RBFOX1: variants seen among roughly 807,000 people sequenced by gnomAD.
RBFOX1 encodes RNA binding protein fox-1 homolog 1.
Under a neutral mutation model 57.7 loss-of-function variants are expected in RBFOX1, and 8 were observed. That is an observed-to-expected ratio of 0.14 (90% CI 0.08 to 0.25). The LOEUF (loss-of-function observed/expected upper bound fraction) is 0.25, where lower values mean the gene tolerates loss of function less well. Among genes scored for constraint, RBFOX1 ranks in the 10% least tolerant of loss-of-function variants. The pLI is 1.00. For synonymous variants in RBFOX1, 326 were observed against 222.4 expected, an observed-to-expected ratio of 1.47 and a Z score of -4.15; for missense variants, 611 against 548.5, an observed-to-expected ratio of 1.11 and a Z score of -1.14.
intron 4 of RBFOX1, among the ~76,000 whole-genome samples, chr16:7,446,111 A>G (rs114927575): frequency 2.0e-4 from 30 of 152,262 alleles, no homozygotes; most frequent in Admixed American, 1.3e-3. Context: ...CTCCTTGTCA[A>G]AGATGCTGTG....
chr16:5,343,672 C>A (rs553061423), intron 1 of RBFOX1, among the ~76,000 whole-genome samples: 1 of 152,060 alleles, frequency 6.6e-6, no homozygotes, highest in African/African-American at 2.4e-5. Flanking sequence ...CCCTCTGATA[C>A]GAATACAATA....
chr16:7,180,210 G>A (rs2082429582), intron 4 of RBFOX1, among the ~76,000 whole-genome samples: 1 of 152,018 alleles, frequency 6.6e-6, no homozygotes, highest in South Asian at 2.1e-4. Flanking sequence ...TTTTTATATA[G>A]CATTTACTGT....
At chr16:6,691,505 A>T (rs9927973) in intron 3 of RBFOX1, among the ~76,000 whole-genome samples, 23,121 of 152,082 alleles carry the variant, frequency 0.15, 1,921 homozygotes, top group African/African-American at 0.22. Flanking sequence ...GGGAAGTAAA[A>T]TCATTCTGAG....
chr16:7,541,662 C>T (rs1507028), intron 5 of RBFOX1, among the ~76,000 whole-genome samples: 19,284 of 135,876 alleles, frequency 0.14, 1,301 homozygotes, highest in African/African-American at 0.19. Flanking sequence ...AAAAATGTTT[C>T]GGGAAAGCTC....
intron 2 of RBFOX1, among the ~76,000 whole-genome samples, chr16:6,481,743 A>G (rs2095374007): frequency 6.6e-6 from 1 of 152,188 alleles, no homozygotes; most frequent in South Asian, 2.1e-4. Flanking sequence ...CATGTTCTTC[A>G]TGGCATCATT....
intron 3 of RBFOX1, among the ~76,000 whole-genome samples, chr16:5,766,303 TG>T (rs907161378): frequency 2.6e-5 from 4 of 151,986 alleles, no homozygotes; most frequent in African/African-American, 9.7e-5. Context: ...AATACAGATC[TG>T]GGCTGGGCAC....
chr16:7,652,614 G>A (rs531451188), intron 11 of RBFOX1, among the ~76,000 whole-genome samples: 12 of 152,052 alleles, frequency 7.9e-5, no homozygotes, highest in Non-Finnish European at 1.8e-4. Context: ...CACCGTATTG[G>A]CCAGGCTGGT....
intron 14 of RBFOX1, among the ~76,000 whole-genome samples, chr16:7,678,076 G>T (rs1211664519): frequency 1.3e-5 from 2 of 152,156 alleles, no homozygotes; most frequent in Non-Finnish European, 1.5e-5. Flanking sequence ...TGTAACAAAT[G>T]GCTCTTTGGC....
intron 4 of RBFOX1, among the ~76,000 whole-genome samples, chr16:5,997,782 A>C (rs1005604009): frequency 7.9e-5 from 12 of 152,232 alleles, no homozygotes; most frequent in Non-Finnish European, 1.8e-4. Context: ...GGAGATCATC[A>C]AATCCAATAA....
intron 3 of RBFOX1, among the ~76,000 whole-genome samples, chr16:7,027,399 C>A (rs928162336): frequency 6.6e-6 from 1 of 151,998 alleles, no homozygotes; most frequent in South Asian, 2.1e-4. Context: ...TAACAAAAAC[C>A]CTGTAAGTTA....
chr16:6,039,003 G>A (rs1313627210), intron 1 of RBFOX1: 2 of 125,424 alleles, frequency 1.6e-5, no homozygotes, highest in African/African-American at 6.2e-5. Context: ...CATGTATGCT[G>A]GTTTGCAAAA....
intron 2 of RBFOX1, among the ~76,000 whole-genome samples, chr16:5,471,476 C>T (rs759960683): frequency 3.3e-5 from 5 of 152,146 alleles, no homozygotes; most frequent in Non-Finnish European, 7.3e-5. Flanking sequence ...AGGTCCCTAC[C>T]ATTGCTGGCA....
Position 7,116,314 on chromosome 16 carries a change from G to A in RBFOX1, c.27+64216G>A, listed in dbSNP as rs1346068466. Among the ~76,000 whole-genome samples the A allele has an allele frequency of 2.0e-5, 3 of 152,034 alleles. No homozygotes were observed. In the East Asian group the frequency reaches 5.8e-4, roughly 29 times the overall value. The stretch of plus-strand genomic sequence containing the variant: ...TGCCTCTGAAAGCCTAGGAGTAAAG[G>A]AAAATTGTCCTCATGAGCAGTTCAT... On this transcript the variant is annotated intron_variant, in intron 4 of 15. Transcript: ENST00000550418.
chr16:5,616,234 C>G (rs2048020352), intron 3 of RBFOX1: 2 of 152,424 alleles, frequency 1.3e-5, no homozygotes, highest in Admixed American at 1.3e-4. Flanking sequence ...CCTGGAACCC[C>G]AGCACCACCC....
intron 3 of RBFOX1, among the ~76,000 whole-genome samples, chr16:5,627,739 A>C (rs932491823): frequency 1.3e-5 from 2 of 152,232 alleles, no homozygotes. Flanking sequence ...ACAGTATAAC[A>C]ACTATTTACA....
At chr16:7,577,123 T>C (rs1283241565) in intron 5 of RBFOX1, among the ~76,000 whole-genome samples, 1 of 152,248 alleles carries the variant, frequency 6.6e-6, no homozygotes, top group Non-Finnish European at 1.5e-5. Context: ...CACTTCTTCA[T>C]GCATTTGTTT....
intron 3 of RBFOX1, among the ~76,000 whole-genome samples, chr16:6,996,282 T>C (rs1265618712): frequency 6.6e-6 from 1 of 152,226 alleles, no homozygotes; most frequent in Non-Finnish European, 1.5e-5. Context: ...TGAGTATCTC[T>C]ACTTTAGAAT....
In RBFOX1 at chr16:7,192,906, C is replaced by T. The variant is rs1414998528; in HGVS notation, c.27+140808C>T. ...ATTGTTACTTCGCCAGTCTCACACC[C>T]TCTTCTGAGAACAATGTAAAAAGCA... On this transcript the variant is annotated intron_variant, in intron 4 of 15. Coordinates refer to ENST00000550418, the MANE Select transcript of RBFOX1 (RefSeq NM_018723.4). Among the ~76,000 whole-genome samples the T allele has an allele frequency of 3.3e-5, 5 of 152,208 alleles. 1 individual carries two copies. The South Asian group carries it at 8.3e-4, about 25-fold the overall frequency.
chr16:6,472,316 G>A lies in RBFOX1; in HGVS notation c.-64+155259G>A, dbSNP rs190567794. Among the ~76,000 whole-genome samples, 283 of 152,286 alleles carry A rather than the reference G, an allele frequency of 1.9e-3. 3 individuals are homozygous for A. The highest frequency in any genetic ancestry group is 5.1e-4 in the Non-Finnish European group (35 of 68,028). On this transcript the variant is annotated intron_variant, in intron 2 of 15. Coordinates refer to ENST00000550418, the MANE Select transcript of RBFOX1 (RefSeq NM_018723.4). ...AATGATTGGTATCTCTATGGTACAC[G>A]TGGTGGAGATGCTGGCTGCACATCC...
Sources: gnomAD v4.1 joint callset for allele counts (sites outside exome capture counted in the v4.1 genomes callset) on GRCh38, gnomAD v4.1.1 for gene constraint, MANE v1.5 for transcripts, NCBI Gene and HGNC (gene_info 2026-07-23, HGNC 2026-07-21) for gene names.